Variants in KHDRBS2 observed in about 807,000 individuals in gnomAD.
The protein encoded by KHDRBS2 is KH RNA binding domain containing, signal transduction associated 2.
A neutral mutation model predicts 44.3 loss-of-function variants in KHDRBS2; 26 were observed. That is an observed-to-expected ratio of 0.59 (90% CI 0.43 to 0.81). The LOEUF is 0.81. KHDRBS2 is among the 40% of genes least tolerant of loss of function. KHDRBS2 has a pLI of 0.00. For synonymous variants in KHDRBS2, 194 were observed against 151.1 expected, an observed-to-expected ratio of 1.28 and a Z score of -2.08; for missense variants, 476 against 433.1, an observed-to-expected ratio of 1.10 and a Z score of -0.88.
At chr6:61,641,539 T>A in the KHDRBS2 span, among the ~76,000 whole-genome samples, 1 of 152,162 alleles carries the variant, frequency 6.6e-6, no homozygotes, top group Non-Finnish European at 1.5e-5. Context: ...CATTTCATCA[T>A]CCCTTAGCAT....
At chr6:61,644,280 T>C in the KHDRBS2 span, among the ~76,000 whole-genome samples, 1 of 152,230 alleles carries the variant, frequency 6.6e-6, no homozygotes, top group African/African-American at 2.4e-5. Flanking sequence ...GACCCCTTTC[T>C]TACACCATAT....
intron 3 of KHDRBS2, among the ~76,000 whole-genome samples, chr6:61,992,121 A>G (rs1206496034): frequency 6.6e-6 from 1 of 152,216 alleles, no homozygotes; most frequent in East Asian, 1.9e-4. Context: ...GGGGCAGAAA[A>G]TATATACTGT....
chr6:61,733,667 G>A (rs1774853976), intron 6 of KHDRBS2, among the ~76,000 whole-genome samples: 1 of 151,774 alleles, frequency 6.6e-6, no homozygotes, highest in South Asian at 2.1e-4. Context: ...AAATAATTAT[G>A]TGTGATGAGA....
intron 3 of KHDRBS2, among the ~76,000 whole-genome samples, chr6:62,018,148 T>A (rs1562651672): frequency 6.6e-6 from 1 of 151,008 alleles, no homozygotes; most frequent in Non-Finnish European, 1.5e-5. Context: ...TAAATATTAC[T>A]ACTTTTTTTT....
At chr6:62,193,626 C>T (rs947582659) in intron 1 of KHDRBS2, among the ~76,000 whole-genome samples, 2 of 152,032 alleles carry the variant, frequency 1.3e-5, no homozygotes, top group African/African-American at 4.8e-5. Context: ...GGGTAGATTC[C>T]TGCAGGTGGA....
intron 1 of KHDRBS2, among the ~76,000 whole-genome samples, chr6:62,202,540 G>T (rs992343836): frequency 6.6e-6 from 1 of 151,898 alleles, no homozygotes; most frequent in African/African-American, 2.4e-5. Flanking sequence ...CTAGCTGACT[G>T]GGACACATCA....
At chr6:62,231,774 G>A (rs1227023163) in intron 1 of KHDRBS2, among the ~76,000 whole-genome samples, 3 of 151,892 alleles carry the variant, frequency 2.0e-5, no homozygotes, top group Non-Finnish European at 2.9e-5. Flanking sequence ...TTTATTCTTC[G>A]TGAAGAATTT....
intron 2 of KHDRBS2, among the ~76,000 whole-genome samples, chr6:62,154,083 C>G (rs1815841413): frequency 1.3e-5 from 2 of 152,044 alleles, no homozygotes; most frequent in African/African-American, 2.4e-5. Context: ...CCTTCCCAGA[C>G]AAGACAAAAT....
intron 1 of KHDRBS2, among the ~76,000 whole-genome samples, chr6:62,238,212 T>C (rs958941241): frequency 2.6e-5 from 4 of 152,178 alleles, no homozygotes; most frequent in Admixed American, 2.0e-4. Flanking sequence ...TTATTAATAA[T>C]ATGTATGAAA....
chr6:62,061,582 G>C (rs1293314495), intron 2 of KHDRBS2, among the ~76,000 whole-genome samples: 8 of 150,310 alleles, frequency 5.3e-5, no homozygotes, highest in East Asian at 2.0e-4. Context: ...GGTAACCCGA[G>C]CTTTCTCTCT....
intron 2 of KHDRBS2, among the ~76,000 whole-genome samples, chr6:62,073,211 A>T (rs574212063): frequency 6.6e-6 from 1 of 151,752 alleles, no homozygotes; most frequent in Admixed American, 6.6e-5. Flanking sequence ...TCATTGTGGG[A>T]GTTTTAAATT....
intron 6 of KHDRBS2, among the ~76,000 whole-genome samples, chr6:61,828,099 A>G (rs539897930): frequency 1.3e-5 from 2 of 152,192 alleles, no homozygotes; most frequent in Non-Finnish European, 2.9e-5. Context: ...GATCTGGGAG[A>G]CATCTATGAT....
the KHDRBS2 span, among the ~76,000 whole-genome samples, chr6:61,623,949 T>C: frequency 6.6e-6 from 1 of 152,216 alleles, no homozygotes; most frequent in Non-Finnish European, 1.5e-5. Flanking sequence ...CCTGGTTATC[T>C]ACTTTGTAGG....
chr6:61,576,042 A>T, the KHDRBS2 span, among the ~76,000 whole-genome samples: 2 of 152,092 alleles, frequency 1.3e-5, no homozygotes, highest in African/African-American at 4.8e-5. Flanking sequence ...AATATTGGAA[A>T]TTACCACTAA....
At chr6:61,907,459 T>TA (rs1422527889) in intron 4 of KHDRBS2, among the ~76,000 whole-genome samples, 1 of 152,212 alleles carries the variant, frequency 6.6e-6, no homozygotes, top group Admixed American at 6.5e-5. Flanking sequence ...CTTTTTGAAG[T>TA]ATTACTCAAG....
At chr6:61,749,725 T>A (rs1231022637) in intron 6 of KHDRBS2, among the ~76,000 whole-genome samples, 1 of 152,164 alleles carries the variant, frequency 6.6e-6, no homozygotes, top group East Asian at 1.9e-4. Context: ...CATCATAATC[T>A]CTGAGAGTTC....
chr6:61,879,849 A>T (rs1261367095), intron 6 of KHDRBS2, among the ~76,000 whole-genome samples: 3 of 151,816 alleles, frequency 2.0e-5, no homozygotes, highest in East Asian at 1.9e-4. Context: ...ATCTCATAAC[A>T]TTATATATCT....
the KHDRBS2 span, among the ~76,000 whole-genome samples, chr6:61,633,886 T>G: frequency 6.6e-6 from 1 of 152,072 alleles, no homozygotes; most frequent in Admixed American, 6.6e-5. Context: ...AGGACTTACA[T>G]AATACTCATT....
intron 2 of KHDRBS2, among the ~76,000 whole-genome samples, chr6:62,064,079 T>G (rs1792843882): frequency 8.4e-6 from 1 of 119,460 alleles, no homozygotes; most frequent in Admixed American, 9.8e-5. Flanking sequence ...ACAAGGGACG[T>G]GAAGGACCTC....
Sources: allele counts gnomAD v4.1 joint callset (sites outside exome capture counted in the v4.1 genomes callset), GRCh38; gene constraint gnomAD v4.1.1; transcripts MANE v1.5; gene names NCBI Gene and HGNC (gene_info 2026-07-23, HGNC 2026-07-21).